The following NFAT5 variants were observed in gnomAD, a reference collection of about 807,000 sequenced individuals.
NFAT5 encodes the protein nuclear factor of activated T-cells 5.
Under a neutral mutation model 166.5 loss-of-function variants are expected in NFAT5, and 31 were observed. The ratio of observed to expected loss-of-function variants is 0.19; its 90% CI spans 0.14 to 0.25. The LOEUF is 0.25. Ranked by LOEUF, NFAT5 falls within the 10% of genes least tolerant of loss-of-function variation. The pLI is 1.00. For synonymous variants in NFAT5, 612 were observed against 639.7 expected, an observed-to-expected ratio of 0.96 and a Z score of 0.65; for missense variants, 1,449 against 1,821.8, an observed-to-expected ratio of 0.80 and a Z score of 3.72.
intron 2 of NFAT5, among the ~76,000 whole-genome samples, chr16:69,602,270 CTTTT>C (rs66903207): frequency 7.3e-6 from 1 of 136,560 alleles, no homozygotes; most frequent in Non-Finnish European, 1.6e-5. Context: ...TGGTTATTAT[CTTTT>C]TTTTTTTTTT....
intron 3 of NFAT5, among the ~76,000 whole-genome samples, chr16:69,637,959 G>T (rs1212701635): frequency 6.6e-6 from 1 of 152,174 alleles, no homozygotes; most frequent in East Asian, 1.9e-4. Context: ...GGTGGCTCAC[G>T]CCTGTAATCC....
intron 9 of NFAT5, among the ~76,000 whole-genome samples, chr16:69,673,051 G>A (rs989307506): frequency 6.6e-6 from 1 of 152,114 alleles, no homozygotes; most frequent in African/African-American, 2.4e-5. Context: ...TTTGAGGCAT[G>A]GGGTAGTTAT....
At chr16:69,684,641 C>T (rs919613393) in intron 10 of NFAT5, among the ~76,000 whole-genome samples, 3 of 151,934 alleles carry the variant, frequency 2.0e-5, no homozygotes, top group African/African-American at 4.8e-5. Context: ...CTTGGCTTCC[C>T]AAAGTGCTGG....
At chr16:69,626,255 A>C (rs969697497) in intron 2 of NFAT5, 148 bp from the exon 3 acceptor site, 2 of 615,284 alleles carry the variant, frequency 3.3e-6, no homozygotes, top group South Asian at 4.0e-5. Context: ...CTCAGCTGCT[A>C]ATAGCTCTTT....
chr16:69,634,866 A>G (rs1353228590), intron 3 of NFAT5, among the ~76,000 whole-genome samples: 1 of 152,192 alleles, frequency 6.6e-6, no homozygotes, highest in Non-Finnish European at 1.5e-5. Context: ...AATTTCTAAT[A>G]ATATTACCCT....
At position 69,566,704 on chromosome 16, in the gene NFAT5, C is replaced by T. The variant is rs1249280354; in HGVS notation, c.73+330C>T. Among the ~76,000 whole-genome samples, 1 of 152,086 alleles carries T rather than the reference C, an allele frequency of 6.6e-6. No homozygotes were observed. The highest frequency in any genetic ancestry group is 1.5e-5 in the Non-Finnish European group (1 of 67,982). On this transcript the variant is annotated intron_variant, in intron 1 of 14. Transcript: ENST00000349945. This position sits in a 1 kb window ranked among gnomAD's most constrained non-coding sequence, Gnocchi z 5.7. Reference sequence around the variant, plus strand: ...TCCGCGAGCCGCCGGCCCCGGCCTCCCGGGCTCGGGGATGGCCCCAGACTG... The same window carrying T: ...TCCGCGAGCCGCCGGCCCCGGCCTCTCGGGCTCGGGGATGGCCCCAGACTG...
At chr16:69,637,330 A>C (rs925686079) in intron 3 of NFAT5, among the ~76,000 whole-genome samples, 2 of 152,198 alleles carry the variant, frequency 1.3e-5, no homozygotes, top group Non-Finnish European at 2.9e-5. Context: ...AAACTGTTCC[A>C]AACTCTGCCT....
Position 69,692,189 on chromosome 16 carries a change from G to C in NFAT5, c.2364G>C (p.Gln788His). 1 of 1,614,136 alleles carries C rather than the reference G, an allele frequency of 6.2e-7. No individual in the cohort carries two copies. The stretch of plus-strand genomic sequence containing the variant: ...TTCCATCACCAAATAGTGTGAGTCA[G>C]CTTCAGAATACTATTCAGCAGCTGC... Reference protein sequence around the residue: ...NIFPSPNSVSQLQNTIQQLQA... With the variant: ...NIFPSPNSVSHLQNTIQQLQA... Residue 788 changes from glutamine to histidine, a missense_variant, in exon 13 of 15, where the codon CAG becomes CAC. Coordinates refer to ENST00000349945, the MANE Select transcript of NFAT5 (RefSeq NM_138713.4).
chr16:69,673,938 C>G (rs1037206594), intron 9 of NFAT5, among the ~76,000 whole-genome samples: 47 of 152,008 alleles, frequency 3.1e-4, no homozygotes, highest in African/African-American at 1.1e-3. Context: ...AGGTATTACA[C>G]TTTTTCTATC....
rs6499244 is a variant in NFAT5, at chr16:69,701,368, T to A, written c.*5017T>A. 0.64 allele frequency: 97,219 copies of A among 152,446 alleles called. 31,963 individuals are homozygous for A. The highest frequency in any genetic ancestry group is 0.88 in the East Asian group (4,575 of 5,188). The allele number at this position is 152,446 out of a possible 1,614,324, so 9.4% of individuals were successfully genotyped here. On this transcript the variant is annotated 3_prime_UTR_variant, in exon 15 of 15. Transcript: ENST00000349945. The stretch of plus-strand genomic sequence containing the variant: ...TAAATTAATATTTTATATCTAGATC[T>A]AATGCTATGGAAAAGTGCCTTTTTA...
chr16:69,594,109 T>C (rs1186884008), intron 2 of NFAT5, among the ~76,000 whole-genome samples: 1 of 152,224 alleles, frequency 6.6e-6, no homozygotes, highest in Non-Finnish European at 1.5e-5. Flanking sequence ...ACACTATATA[T>C]ACAGTCGTGT....
chr16:69,602,588 T>C (rs965978494), intron 2 of NFAT5, among the ~76,000 whole-genome samples: 13 of 150,216 alleles, frequency 8.7e-5, no homozygotes, highest in East Asian at 3.9e-4. Flanking sequence ...TTCTTTCTTT[T>C]TTTTTTTTTT....
At chr16:69,589,841 C>T (rs1361342487) in intron 2 of NFAT5, among the ~76,000 whole-genome samples, 1 of 152,016 alleles carries the variant, frequency 6.6e-6, no homozygotes, top group Non-Finnish European at 1.5e-5. Context: ...TCATAGATGA[C>T]TCATTGACAC....
chr16:69,671,992 A>G (rs1369864773), intron 9 of NFAT5, among the ~76,000 whole-genome samples: 1 of 152,266 alleles, frequency 6.6e-6, no homozygotes, highest in Non-Finnish European at 1.5e-5. Flanking sequence ...ACATTGTTAG[A>G]CTATCCAGCG....
At chr16:69,610,084 C>T (rs1237496953) in intron 2 of NFAT5, among the ~76,000 whole-genome samples, 1 of 151,344 alleles carries the variant, frequency 6.6e-6, no homozygotes, top group Admixed American at 6.6e-5. Flanking sequence ...AAAAATTGTG[C>T]GTATAAATAG....
At position 69,589,715 on chromosome 16, in the gene NFAT5, T is replaced by A. The variant is rs138799773; in HGVS notation, c.127+21167T>A. On this transcript the variant is annotated intron_variant, in intron 2 of 14. Coordinates refer to ENST00000349945, the MANE Select transcript of NFAT5 (RefSeq NM_138713.4). ...TCTTGAATTCTCAACCCAAGAATTT[T>A]AAAAAAAGAGAAATCCTCATTTTTT... Among the ~76,000 whole-genome samples the A allele has an allele frequency of 5.4e-3, 823 of 151,964 alleles. 7 individuals are homozygous for A. The highest frequency in any genetic ancestry group is 0.019 in the African/African-American group (772 of 41,526).
intron 2 of NFAT5, among the ~76,000 whole-genome samples, chr16:69,598,774 C>T (rs991095169): frequency 5.3e-5 from 8 of 152,074 alleles, no homozygotes; most frequent in African/African-American, 1.9e-4. Flanking sequence ...CCTGTAATCC[C>T]AGCACTTTGG....
At chr16:69,648,005 C>G (rs1051855294) in intron 4 of NFAT5, among the ~76,000 whole-genome samples, 30 of 151,872 alleles carry the variant, frequency 2.0e-4, no homozygotes, top group African/African-American at 5.8e-4. Flanking sequence ...AACCCCATCT[C>G]TACTAAAAAT....
At chr16:69,602,123 C>CT (rs35764140) in intron 2 of NFAT5, among the ~76,000 whole-genome samples, 12 of 150,978 alleles carry the variant, frequency 7.9e-5, no homozygotes, top group South Asian at 2.1e-4. Context: ...AAGCATAAGG[C>CT]TTTTTTTTTC....
Sources: allele counts gnomAD v4.1 joint callset (sites outside exome capture counted in the v4.1 genomes callset), GRCh38; gene constraint gnomAD v4.1.1; non-coding constraint Gnocchi (gnomAD v3.1); transcripts MANE v1.5; gene names NCBI Gene and HGNC (gene_info 2026-07-23, HGNC 2026-07-21).